COPG2: variants seen among roughly 807,000 people sequenced by gnomAD.
COPG2 encodes the protein coat protein complex I subunit gamma 2.
A neutral mutation model predicts 46.3 loss-of-function variants in COPG2; 37 were observed. The observed-to-expected ratio is 0.80, with a 90% CI of 0.61 to 1.05. The LOEUF is 1.05. Among genes scored for constraint, COPG2 ranks in the 50% least tolerant of loss-of-function variants. COPG2 has a pLI of 0.00. For missense variants in COPG2, 427 were observed against 387.8 expected, an observed-to-expected ratio of 1.10 and a Z score of -0.85; for synonymous variants, 159 against 129.7, an observed-to-expected ratio of 1.23 and a Z score of -1.53.
At chr7:130,607,726 T>G (rs782113473) in intron 9 of COPG2, 17 of 520,024 alleles carry the variant, frequency 3.3e-5, no homozygotes, top group Non-Finnish European at 6.2e-5. Flanking sequence ...TTTTCCACTC[T>G]AAGTTTTCAG....
At chr7:130,538,998 G>T (rs1034352263) in intron 20 of COPG2, among the ~76,000 whole-genome samples, 37 of 152,188 alleles carry the variant, frequency 2.4e-4, no homozygotes, top group Middle Eastern at 3.4e-3. Context: ...ATAGGATGAA[G>T]GTTTGGGTGC....
At chr7:130,545,604 T>C (rs1284936331) in intron 20 of COPG2, among the ~76,000 whole-genome samples, 1 of 152,168 alleles carries the variant, frequency 6.6e-6, no homozygotes, top group African/African-American at 2.4e-5. Context: ...GACAAAAAAC[T>C]AAATAGAAAG....
intron 5 of COPG2, chr7:130,645,459 C>A: frequency 2.9e-6 from 1 of 342,468 alleles, no homozygotes; most frequent in South Asian, 2.5e-5. Context: ...TTTCTCCAAC[C>A]GGACCACTGC....
chr7:130,634,725 A>G (rs782227767), intron 5 of COPG2, among the ~76,000 whole-genome samples: 1 of 152,066 alleles, frequency 6.6e-6, no homozygotes, highest in Non-Finnish European at 1.5e-5. Flanking sequence ...TAATAGCCCT[A>G]GCCAGAACTT....
rs527745130 is a variant in COPG2 at position 130,625,801 on chromosome 7, T to C, written c.324-8736A>G. On this transcript the variant is annotated intron_variant, in intron 5 of 23. Transcript: ENST00000425248. ...CATTAATTTCTGTTTTTATCTATAC[T>C]AATTCCTATCATATGCTTTCTTTTG... Among the ~76,000 whole-genome samples the C allele has an allele frequency of 2.6e-5, 4 of 152,282 alleles. No individual in the cohort carries two copies. The East Asian group carries it at 5.8e-4, about 22-fold the overall frequency.
intron 5 of COPG2, among the ~76,000 whole-genome samples, chr7:130,644,928 G>A (rs1795563702): frequency 6.6e-6 from 1 of 152,024 alleles, no homozygotes; most frequent in Admixed American, 6.5e-5. Context: ...CGGGTGTGGT[G>A]GCAGGTGCCT....
chr7:130,518,032 T>C (rs2116343192), intron 20 of COPG2, among the ~76,000 whole-genome samples: 1 of 152,354 alleles, frequency 6.6e-6, no homozygotes, highest in Admixed American at 6.5e-5. Flanking sequence ...TGGGAAGTTT[T>C]TTCTATTGAG....
At chr7:130,511,261 A>T (rs1418846504) in intron 20 of COPG2, among the ~76,000 whole-genome samples, 1 of 152,130 alleles carries the variant, frequency 6.6e-6, no homozygotes, top group Non-Finnish European at 1.5e-5. Flanking sequence ...TGTTAGAATA[A>T]TAATTAAAGA....
At chr7:130,654,680 C>T (rs1044260696) in intron 4 of COPG2, among the ~76,000 whole-genome samples, 16 of 152,068 alleles carry the variant, frequency 1.1e-4, no homozygotes, top group African/African-American at 3.9e-4. Context: ...TTTGATAAGT[C>T]AAAAACCCAT....
chr7:130,551,277 T>C lies in COPG2; in HGVS notation c.1612A>G (p.Arg538Gly), dbSNP rs2116387113. The C allele has an allele frequency of 5.0e-6, 2 of 398,562 alleles. No homozygotes were observed. The highest frequency in any genetic ancestry group is 7.1e-5 in the East Asian group (2 of 28,072). The allele number at this position is 398,562 out of a possible 1,614,324, so 24.7% of individuals were successfully genotyped here. A position where few individuals can be genotyped will look rare whatever the true frequency, so the allele number is the denominator to read the frequency against. ...TATGTGGCATTTAGTGCCATCTGCC[T>C]CTGCTGCAGCACATTCAGATAGAAG... The part of the protein sequence containing the change: ...ATFYLNVLQQ[R>G]QMALNATYIF... Residue 538 changes from arginine (R) to glycine (G), a missense_variant, in exon 16 of 24, where the codon AGG becomes GGG. By Grantham distance (125) the Arg-to-Gly change is moderately radical (BLOSUM62 -2). Transcript: ENST00000425248.
chr7:130,608,132 TGTTA>T (rs1452074508), intron 9 of COPG2: 5 of 382,938 alleles, frequency 1.3e-5, no homozygotes, highest in Middle Eastern at 3.9e-4. Flanking sequence ...AAGATTTTTT[TGTTA>T]GTTATAATAT....
At chr7:130,613,811 C>A (rs114600911) in intron 6 of COPG2, among the ~76,000 whole-genome samples, 175 bp from the exon 7 acceptor site, 2,122 of 152,276 alleles carry the variant, frequency 0.014, 61 homozygotes, top group African/African-American at 0.047. Flanking sequence ...AGAACCCAAA[C>A]AACGAAGTTG....
chr7:130,561,297 A>G (rs1431386669), intron 11 of COPG2, 76 bp from the exon 12 acceptor site: 64 of 397,902 alleles, frequency 1.6e-4, no homozygotes, highest in Non-Finnish European at 2.8e-4. Flanking sequence ...AATTGAGGTA[A>G]GTGGCAATCC....
intron 9 of COPG2, among the ~76,000 whole-genome samples, chr7:130,587,778 C>A (rs372516197): frequency 0.14 from 20,845 of 151,856 alleles, 2,486 homozygotes; most frequent in African/African-American, 0.32. Context: ...GCAACAAAAG[C>A]CAAAATTGAC....
At chr7:130,549,558 G>C (rs1793501900) in intron 17 of COPG2, among the ~76,000 whole-genome samples, 182 bp from the exon 18 acceptor site, 1 of 152,072 alleles carries the variant, frequency 6.6e-6, no homozygotes, top group Admixed American at 6.6e-5. Context: ...TGTATTTAGT[G>C]AACATATATT....
intron 9 of COPG2, among the ~76,000 whole-genome samples, chr7:130,587,286 G>A (rs553878503): frequency 1.3e-4 from 19 of 151,956 alleles, no homozygotes; most frequent in East Asian, 9.7e-4. Context: ...CAGCCTGGGC[G>A]ATAGAGTGAG....
chr7:130,512,185 G>A (rs913337857), intron 20 of COPG2, among the ~76,000 whole-genome samples: 1 of 151,758 alleles, frequency 6.6e-6, no homozygotes. Flanking sequence ...GGTAAGCCGA[G>A]TTGGTGAGCC....
At chr7:130,664,557 A>G (rs1322782960) in intron 3 of COPG2, among the ~76,000 whole-genome samples, 1 of 152,242 alleles carries the variant, frequency 6.6e-6, no homozygotes, top group Non-Finnish European at 1.5e-5. Flanking sequence ...AAGCTCTACC[A>G]AGTTCTAGGC....
chr7:130,614,329 GAAC>G (rs1794909041), intron 6 of COPG2, among the ~76,000 whole-genome samples: 3 of 152,222 alleles, frequency 2.0e-5, no homozygotes, highest in African/African-American at 4.8e-5. Context: ...AATCACAACA[GAAC>G]AACAGTGCAC....
Sources: gnomAD v4.1 joint callset for allele counts (sites outside exome capture counted in the v4.1 genomes callset) on GRCh38, gnomAD v4.1.1 for gene constraint, MANE v1.5 for transcripts, NCBI Gene and HGNC (gene_info 2026-07-23, HGNC 2026-07-21) for gene names.